ACAN: variants seen among roughly 807,000 people sequenced by gnomAD.
The protein encoded by ACAN is aggrecan core protein.
A neutral mutation model predicts 169.1 loss-of-function variants in ACAN; 47 were observed. The observed-to-expected ratio is 0.28, with a 90% CI of 0.22 to 0.35. The LOEUF is 0.35. Among genes scored for constraint, ACAN ranks in the 10% least tolerant of loss-of-function variants. The probability of loss-of-function intolerance (pLI) is 1.00; values close to 1 mark genes in which losing one functional copy is unlikely to be tolerated. For missense variants in ACAN, 2,716 were observed against 2,759.9 expected (o/e 0.98, Z 0.36); for synonymous variants, 1,115 against 1,112.2 (o/e 1.00, Z -0.05).
At chr15:88,826,477 T>C (rs761069793) in intron 1 of ACAN, among the ~76,000 whole-genome samples, 1 of 10,514 alleles carries the variant, frequency 9.5e-5, no homozygotes, top group Non-Finnish European at 1.8e-4. Context: ...AGGGGACCCC[T>C]GGAGACACAG....
In ACAN at chr15:88,864,259, C is replaced by T. The variant is rs1897247293; in HGVS notation, c.6946+3820C>T. Among the ~76,000 whole-genome samples, 4 of 151,868 alleles carry T rather than the reference C, an allele frequency of 2.6e-5. 1 individual carries two copies. In the South Asian group the frequency reaches 8.3e-4, roughly 32 times the overall value. ...TTTGAAATAGTACAAATAATGATAG[C>T]ATATGTTATAACCTTTTTTTTTTTT... On this transcript the variant is annotated intron_variant, in intron 13 of 18. Coordinates refer to ENST00000560601, the MANE Select transcript of ACAN (RefSeq NM_001369268.1).
Position 88,843,706 on chromosome 15 carries a change from G to A in ACAN, c.1051+58G>A. On this transcript the variant is annotated intron_variant, in intron 6 of 18. Coordinates refer to ENST00000560601, the MANE Select transcript of ACAN (RefSeq NM_001369268.1). The surrounding 1 kb of genome is among the most constrained non-coding windows in gnomAD (Gnocchi z 4.0). ...ATGCCACTAAAATGGGGTCCTAGAG[G>A]GAAGAGGGGATCTTGGAAAGGGAGG... The A allele has an allele frequency of 1.3e-6, 2 of 1,501,896 alleles. No homozygotes were observed. Among genetic ancestry groups the A allele is most frequent in the Non-Finnish European group, 1.8e-6 (2 of 1,122,792 alleles). The allele number at this position is 1,501,896 out of a possible 1,614,324, so 93.0% of individuals were successfully genotyped here. A position where few individuals can be genotyped will look rare whatever the true frequency, so the allele number is the denominator to read the frequency against.
chr15:88,823,822 G>T (rs765627776), intron 1 of ACAN, among the ~76,000 whole-genome samples: 21 of 152,050 alleles, frequency 1.4e-4, no homozygotes, highest in Non-Finnish European at 2.1e-4. Flanking sequence ...CTGCTTGGTG[G>T]CCCAGGCCCA....
chr15:88,806,078 C>T (rs2141480020), intron 1 of ACAN, among the ~76,000 whole-genome samples: 1 of 152,368 alleles, frequency 6.6e-6, no homozygotes, highest in East Asian at 1.9e-4. Flanking sequence ...CACTCGCTGG[C>T]TACATGGCTT....
Position 88,839,672 on chromosome 15 carries a change from G to C in ACAN, c.455-340G>C, listed in dbSNP as rs138235328. ...CTGGGCTGAGGGTGCAGGGCATTCT[G>C]AGTGTCTGTTTCTCTTAATGCAATA... On this transcript the variant is annotated intron_variant, in intron 3 of 18. Coordinates refer to ENST00000560601, the MANE Select transcript of ACAN (RefSeq NM_001369268.1). This position sits in a 1 kb window ranked among gnomAD's most constrained non-coding sequence, Gnocchi z 4.5. Among the ~76,000 whole-genome samples the C allele has an allele frequency of 1.3e-5, 2 of 152,348 alleles. No homozygotes were observed. Among genetic ancestry groups the C allele is most frequent in the East Asian group, 3.9e-4 (2 of 5,188 alleles).
chr15:88,832,984 G>A (rs1266892304), intron 1 of ACAN, among the ~76,000 whole-genome samples: 4 of 152,234 alleles, frequency 2.6e-5, no homozygotes, highest in Non-Finnish European at 5.9e-5. Flanking sequence ...AACAGCCGTG[G>A]GGCAGGTCCT....
chr15:88,865,577 A>G (rs1897266167), intron 13 of ACAN, among the ~76,000 whole-genome samples: 1 of 152,220 alleles, frequency 6.6e-6, no homozygotes, highest in Admixed American at 6.5e-5. Context: ...CACTTGGCTC[A>G]CAGGAGGTTC....
intron 1 of ACAN, among the ~76,000 whole-genome samples, chr15:88,835,525 G>C (rs1267310618): frequency 1.3e-5 from 2 of 152,212 alleles, no homozygotes; most frequent in Admixed American, 6.5e-5. Context: ...GCTAGACCAG[G>C]AGACCTGGTG....
At chr15:88,830,577 C>A (rs1364696176) in intron 1 of ACAN, among the ~76,000 whole-genome samples, 1 of 151,598 alleles carries the variant, frequency 6.6e-6, no homozygotes, top group Non-Finnish European at 1.5e-5. Flanking sequence ...TACACAAATA[C>A]TTGCCTTTGT....
At chr15:88,816,806 T>C (rs1468439566) in intron 1 of ACAN, among the ~76,000 whole-genome samples, 4 of 152,222 alleles carry the variant, frequency 2.6e-5, no homozygotes, top group Non-Finnish European at 5.9e-5. Context: ...CAACGCACCA[T>C]GCCCAAGAAC....
At chr15:88,860,019 T>C (rs889298623) in intron 12 of ACAN, among the ~76,000 whole-genome samples, 2 of 150,508 alleles carry the variant, frequency 1.3e-5, no homozygotes, top group African/African-American at 4.9e-5. Flanking sequence ...TGTCTCACCG[T>C]GACATAACTC....
At position 88,847,809 on chromosome 15, in the gene ACAN, A is replaced by G. The variant is rs1316213465; in HGVS notation, c.1605-102A>G. On this transcript the variant is annotated intron_variant, in intron 8 of 18. Coordinates refer to ENST00000560601, the MANE Select transcript of ACAN (RefSeq NM_001369268.1). ...TTTGAATACCACCAGACAACTGAAG[A>G]CATCTCCAAGTCCCTGAGTAGCCTC... The G allele has an allele frequency of 4.6e-5, 64 of 1,402,028 alleles. 1 individual carries two copies. Among genetic ancestry groups the G allele is most frequent in the Non-Finnish European group, 5.1e-5 (53 of 1,044,360 alleles). The allele number at this position is 1,402,028 out of a possible 1,614,324, so 86.8% of individuals were successfully genotyped here.
At chr15:88,822,177 G>A (rs914098102) in intron 1 of ACAN, among the ~76,000 whole-genome samples, 31 of 152,186 alleles carry the variant, frequency 2.0e-4, no homozygotes, top group Non-Finnish European at 4.6e-4. Flanking sequence ...GGTCCCCACC[G>A]TACATCACAC....
At chr15:88,845,443 C>T (rs1000719373) in intron 6 of ACAN, 62 bp from the exon 7 acceptor site, 29 of 1,538,670 alleles carry the variant, frequency 1.9e-5, no homozygotes, top group Non-Finnish European at 3.5e-6. Context: ...CAGCCCACTC[C>T]TCATCCCCCT....
Position 88,855,554 on chromosome 15 carries a change from A to C in ACAN, c.2969A>C (p.Glu990Ala). 6.2e-7 allele frequency: 1 copy of C among 1,610,450 alleles called. No homozygotes were observed. The highest frequency in any genetic ancestry group is 1.1e-5 in the South Asian group (1 of 90,916). ...CTAGAGACCACTGCCCCTGGAGTAG[A>C]GGACATCAGCGGGCTTCCTTCTGGA... ...EVLETTAPGV[E>A]DISGLPSGEV... Residue 990 changes from glutamate to alanine, a missense_variant, in exon 12 of 19, where the codon GAG (glutamate) becomes GCG (alanine). Coordinates refer to ENST00000560601, the MANE Select transcript of ACAN (RefSeq NM_001369268.1).
chr15:88,824,814 G>A (rs1175637136), intron 1 of ACAN, among the ~76,000 whole-genome samples: 1 of 152,026 alleles, frequency 6.6e-6, no homozygotes, highest in African/African-American at 2.4e-5. Flanking sequence ...GGGAGGTGGA[G>A]GTTGCAGTGA....
At chr15:88,829,153 A>C (rs1483266996) in intron 1 of ACAN, among the ~76,000 whole-genome samples, 2 of 152,240 alleles carry the variant, frequency 1.3e-5, no homozygotes, top group Non-Finnish European at 2.9e-5. Flanking sequence ...GCAAGTAACA[A>C]ATTTGGAAAA....
In ACAN at chr15:88,859,019, C is replaced by G; in HGVS notation, c.6434C>G (p.Ser2145Cys). ...CACGAAGCTAACCTTGAGAGATCCT[C>G]TGGCCTAGGAGTGAGCGGCAGCACT... ...AFHEANLERS[S>C]GLGVSGSTLT... The change falls in exon 12 of 19, where the codon TCT becomes TGT. Residue 2145 changes from serine (S) to cysteine (C), a missense_variant. Transcript: ENST00000560601. 1 of 1,613,992 alleles carries G rather than the reference C, an allele frequency of 6.2e-7. No homozygotes were observed.
At chr15:88,818,759 T>G (rs1327298502) in intron 1 of ACAN, among the ~76,000 whole-genome samples, 3 of 152,196 alleles carry the variant, frequency 2.0e-5, no homozygotes, top group Non-Finnish European at 4.4e-5. Flanking sequence ...GGTTTCTGAC[T>G]TGTGTGGAGC....
Sources: gnomAD v4.1 joint callset for allele counts (sites outside exome capture counted in the v4.1 genomes callset) on GRCh38, gnomAD v4.1.1 for gene constraint, Gnocchi (gnomAD v3.1) non-coding constraint, MANE v1.5 for transcripts, NCBI Gene and HGNC (gene_info 2026-07-23, HGNC 2026-07-21) for gene names.